The following RARS1 variants were observed in gnomAD, a reference collection of about 807,000 sequenced individuals.
RARS1 encodes the protein arginyl-tRNA synthetase 1.
Under a neutral mutation model 78.7 loss-of-function variants are expected in RARS1, and 75 were observed. The observed-to-expected ratio is 0.95, with a 90% CI of 0.79 to 1.15. The LOEUF (loss-of-function observed/expected upper bound fraction) is 1.15, where lower values mean the gene tolerates loss of function less well. RARS1 is among the 50% of genes most tolerant of loss of function. RARS1 has a pLI of 0.00. For synonymous variants in RARS1, 273 were observed against 268.2 expected (o/e 1.02, Z -0.18); for missense variants, 787 against 787.5 (o/e 1.00, Z 0.01).
chr5:168,488,404 A>G, intron 1 of RARS1, 198 bp from the exon 2 acceptor site: 1 of 550,226 alleles, frequency 1.8e-6, no homozygotes, highest in Non-Finnish European at 3.1e-6. Flanking sequence ...CTGGGATTAC[A>G]GGCGTGAGCC....
Position 168,503,491 on chromosome 5 carries a change from G to A in RARS1, c.1057+1386G>A, listed in dbSNP as rs527617972. ...TTTGATTTTGATATTATTGTGGTGG[G>A]CTTTTAATGTGTTTTATATTTTTCA... On this transcript the variant is annotated intron_variant, in intron 9 of 14. Transcript: ENST00000231572. Among the ~76,000 whole-genome samples, 12 of 152,204 alleles carry A rather than the reference G, an allele frequency of 7.9e-5. No homozygotes were observed. In the East Asian group the frequency reaches 2.3e-3, roughly 29 times the overall value.
Position 168,506,837 on chromosome 5 carries a change from T to C in RARS1, c.1346+6T>C. 1 of 1,578,636 alleles carries C rather than the reference T, an allele frequency of 6.3e-7. No individual in the cohort carries two copies. The highest frequency in any genetic ancestry group is 8.7e-7 in the Non-Finnish European group (1 of 1,148,460). On this transcript the variant is annotated splice_donor_region_variant and intron_variant, in intron 11 of 14. Transcript: ENST00000231572. ...GTGGTGCTAGGGGAAGACAAGTAAGTCTGGAAAATCTGAAGATGGTAATGA... is the reference window on the plus strand; with the variant it reads ...GTGGTGCTAGGGGAAGACAAGTAAGCCTGGAAAATCTGAAGATGGTAATGA...
intron 7 of RARS1, among the ~76,000 whole-genome samples, chr5:168,497,648 A>G: frequency 6.6e-6 from 1 of 152,120 alleles, no homozygotes; most frequent in South Asian, 2.1e-4. Flanking sequence ...GTGGAAGGCA[A>G]AATGGGAACA....
intron 12 of RARS1, among the ~76,000 whole-genome samples, chr5:168,514,069 A>T (rs1014352622): frequency 6.6e-6 from 1 of 152,198 alleles, no homozygotes; most frequent in African/African-American, 2.4e-5. Context: ...GTTTCCTTTG[A>T]AAATCAGTTG....
intron 3 of RARS1, 161 bp downstream of exon 3, chr5:168,493,008 T>A: frequency 1.5e-6 from 1 of 656,838 alleles, no homozygotes; most frequent in Non-Finnish European, 2.4e-6. Flanking sequence ...GTATATGTTT[T>A]AACTTTTTTA....
intron 12 of RARS1, among the ~76,000 whole-genome samples, chr5:168,511,840 A>G (rs187882352): frequency 2.6e-5 from 4 of 152,186 alleles, no homozygotes; most frequent in Middle Eastern, 3.4e-3. Context: ...GCCCTTTTCC[A>G]TGTGCATCAG....
intron 4 of RARS1, chr5:168,494,327 G>A: frequency 1.0e-6 from 1 of 985,430 alleles, no homozygotes; most frequent in Non-Finnish European, 1.2e-6. Flanking sequence ...TGCTGAAAGT[G>A]AAAGGGCCCT....
At chr5:168,490,276 T>A (rs4976615) in intron 2 of RARS1, among the ~76,000 whole-genome samples, 19,775 of 152,260 alleles carry the variant, frequency 0.13, 1,711 homozygotes, top group Non-Finnish European at 0.19. Flanking sequence ...TCTACACTTA[T>A]ATATGTTTAA....
At chr5:168,505,159 G>T (rs1758410901) in intron 9 of RARS1, among the ~76,000 whole-genome samples, 1 of 152,112 alleles carries the variant, frequency 6.6e-6, no homozygotes, top group Non-Finnish European at 1.5e-5. Context: ...ATTTTATACT[G>T]CCTTTACATT....
intron 11 of RARS1, among the ~76,000 whole-genome samples, chr5:168,507,372 A>G (rs1758469726): frequency 1.3e-5 from 2 of 152,196 alleles, no homozygotes; most frequent in South Asian, 4.2e-4. Flanking sequence ...TTATAAAATA[A>G]AAAGGTAAAT....
chr5:168,517,020 CTT>C (rs35717210), intron 13 of RARS1, 70 bp downstream of exon 13: 1,701 of 1,147,062 alleles, frequency 1.5e-3, no homozygotes, highest in Middle Eastern at 1.8e-3. Flanking sequence ...AAAATATTTT[CTT>C]TTTTTTTTTT....
chr5:168,506,923 C>A (rs1582437874), intron 11 of RARS1, 92 bp downstream of exon 11: 6 of 1,055,736 alleles, frequency 5.7e-6, no homozygotes, highest in South Asian at 4.3e-5. Flanking sequence ...AGAAAGTCCA[C>A]AGTTTCCTTT....
At chr5:168,515,840 A>AT (rs961851949) in intron 12 of RARS1, among the ~76,000 whole-genome samples, 2 of 152,098 alleles carry the variant, frequency 1.3e-5, no homozygotes, top group African/African-American at 2.4e-5. Flanking sequence ...TTCCTGATAG[A>AT]TTTTTTGGAG....
intron 12 of RARS1, 67 bp from the exon 13 acceptor site, chr5:168,516,711 C>A: frequency 6.7e-7 from 1 of 1,501,102 alleles, no homozygotes; most frequent in Non-Finnish European, 9.2e-7. Flanking sequence ...CAGTCTTATG[C>A]CTATGAGACA....
rs1582445827 is a variant in RARS1 at position 168,519,260 on chromosome 5, CAT to C, written c.*71_*72del. On this transcript the variant is annotated 3_prime_UTR_variant, in exon 15 of 15. Coordinates refer to ENST00000231572, the MANE Select transcript of RARS1 (RefSeq NM_002887.4). Reference sequence around the variant, plus strand: ...TTGGCACTGTTTGCTTTTTTACAATCATGTGGACACAAGCATAAGTAAAGAAA... The same window carrying C: ...TTGGCACTGTTTGCTTTTTTACAATCGTGGACACAAGCATAAGTAAAGAAA... 2 of 1,159,218 alleles carry C rather than the reference CAT, an allele frequency of 1.7e-6. No homozygotes were observed. Among genetic ancestry groups the C allele is most frequent in the Admixed American group, 2.1e-5 (1 of 48,596 alleles). 71.8% of individuals were successfully genotyped at this position (1,159,218 alleles called of 1,614,324 possible). A position where few individuals can be genotyped will look rare whatever the true frequency, so the allele number is the denominator to read the frequency against.
chr5:168,498,488 T>A (rs1758246957), intron 7 of RARS1, among the ~76,000 whole-genome samples: 1 of 152,216 alleles, frequency 6.6e-6, no homozygotes, highest in African/African-American at 2.4e-5. Context: ...TAATCATTTA[T>A]GATTTTAATA....
At chr5:168,518,138 C>T (rs1468745044) in intron 14 of RARS1, 76 bp downstream of exon 14, 9 of 1,326,240 alleles carry the variant, frequency 6.8e-6, no homozygotes, top group African/African-American at 5.2e-5. Flanking sequence ...GGCTGGAGTA[C>T]GGTGGTGAAA....
At chr5:168,518,873 A>T (rs1758728468) in intron 14 of RARS1, among the ~76,000 whole-genome samples, 1 of 152,224 alleles carries the variant, frequency 6.6e-6, no homozygotes. Flanking sequence ...CTTAATAGTT[A>T]AAAACACATT....
At chr5:168,492,239 C>G (rs1168363474) in intron 2 of RARS1, among the ~76,000 whole-genome samples, 1 of 152,198 alleles carries the variant, frequency 6.6e-6, no homozygotes, top group African/African-American at 2.4e-5. Flanking sequence ...CCTTTTATTT[C>G]ATGCCTTGAA....
Sources: gnomAD v4.1 joint callset for allele counts (sites outside exome capture counted in the v4.1 genomes callset) on GRCh38, gnomAD v4.1.1 for gene constraint, MANE v1.5 for transcripts, NCBI Gene and HGNC (gene_info 2026-07-23, HGNC 2026-07-21) for gene names.